The following NPSR1 variants were observed in gnomAD, a reference collection of about 807,000 sequenced individuals.
NPSR1 encodes neuropeptide S receptor 1.
Under a neutral mutation model 46.9 loss-of-function variants are expected in NPSR1, and 48 were observed. The ratio of observed to expected loss-of-function variants is 1.02; its 90% CI spans 0.81 to 1.30. The LOEUF (loss-of-function observed/expected upper bound fraction) is 1.30. Ranked by LOEUF, NPSR1 falls within the 50% of genes most tolerant of loss-of-function variation. The probability of loss-of-function intolerance (pLI) is 0.00; values close to 1 mark genes in which losing one functional copy is unlikely to be tolerated. For missense variants in NPSR1, 450 were observed against 449.5 expected, an observed-to-expected ratio of 1.00 and a Z score of -0.01; for synonymous variants, 176 against 168.1, an observed-to-expected ratio of 1.05 and a Z score of -0.36.
Position 34,834,431 on chromosome 7 carries a change from C to A in NPSR1, c.728C>A (p.Thr243Asn), listed in dbSNP as rs1409654873. The A allele has an allele frequency of 7.4e-6, 12 of 1,613,276 alleles. No individual in the cohort carries two copies. Among genetic ancestry groups the A allele is most frequent in the Non-Finnish European group, 1.0e-5 (12 of 1,179,244 alleles). Reference protein sequence around the residue: ...VIRTIWIKSKTYETVISNCSD... With the variant: ...VIRTIWIKSKNYETVISNCSD... ...CGAACTATTTGGATTAAAAGCAAAA[C>A]CTACGAAACAGTGATTTCCAACTGC... The change falls in exon 6 of 9, where the codon ACC (threonine) becomes AAC (asparagine). Residue 243 changes from threonine (T) to asparagine (N), a missense_variant. By Grantham distance (65) the Thr-to-Asn change is moderately conservative. Transcript: ENST00000360581.
At chr7:34,736,783 T>C (rs969456166) in intron 2 of NPSR1, among the ~76,000 whole-genome samples, 3 of 152,110 alleles carry the variant, frequency 2.0e-5, no homozygotes, top group Non-Finnish European at 4.4e-5. Context: ...GTATTTTTTA[T>C]TTTTGTAGAC....
intron 2 of NPSR1, among the ~76,000 whole-genome samples, chr7:34,748,326 G>A (rs951314192): frequency 3.9e-5 from 6 of 152,200 alleles, no homozygotes; most frequent in Non-Finnish European, 5.9e-5. Context: ...TGGCGGCAAG[G>A]GAGGACTATT....
intron 2 of NPSR1, among the ~76,000 whole-genome samples, chr7:34,689,554 G>A (rs1485818117): frequency 6.6e-5 from 8 of 122,040 alleles, no homozygotes; most frequent in East Asian, 5.6e-4. Context: ...GCAGTGAGCC[G>A]AGATTGTGCC....
In NPSR1 at chr7:34,773,080, G is replaced by A. The variant is rs138498243; in HGVS notation, c.281-5382G>A. 6.0e-4 allele frequency among the ~76,000 whole-genome samples: 91 copies of A among 152,264 alleles called. 1 individual carries two copies. In the East Asian group the frequency reaches 0.01, roughly 17 times the overall value. ...GTGCAGATGAAGAAGTGCAAAGCCCGTTAGTGGGTCAATGGGAGTGATGTT... is the reference window on the plus strand; with the variant it reads ...GTGCAGATGAAGAAGTGCAAAGCCCATTAGTGGGTCAATGGGAGTGATGTT... On this transcript the variant is annotated intron_variant, in intron 2 of 8. Coordinates refer to ENST00000360581, the MANE Select transcript of NPSR1 (RefSeq NM_207172.2).
chr7:34,758,612 AG>A (rs1484394150), intron 2 of NPSR1, among the ~76,000 whole-genome samples: 1 of 152,202 alleles, frequency 6.6e-6, no homozygotes, highest in African/African-American at 2.4e-5. Context: ...ACATAATTTC[AG>A]GTTTACAGAA....
chr7:34,748,775 C>T (rs919245802), intron 2 of NPSR1, among the ~76,000 whole-genome samples: 2 of 151,894 alleles, frequency 1.3e-5, no homozygotes, highest in Non-Finnish European at 2.9e-5. Context: ...AAATATCCTG[C>T]CTGGGAGTGG....
intron 8 of NPSR1, among the ~76,000 whole-genome samples, chr7:34,873,548 C>T (rs1791505269): frequency 6.6e-6 from 1 of 151,618 alleles, no homozygotes; most frequent in Non-Finnish European, 1.5e-5. Context: ...AAGGAGGAGC[C>T]AATGTGTCAC....
At chr7:34,845,043 C>T in intron 7 of NPSR1, 61 bp downstream of exon 7, 1 of 1,090,200 alleles carries the variant, frequency 9.2e-7, no homozygotes, top group Non-Finnish European at 1.4e-6. Context: ...CAAGTTTGCT[C>T]CTGGGACCTG....
In NPSR1 at chr7:34,754,188, C is replaced by T. The variant is rs114409920; in HGVS notation, c.281-24274C>T. ...TTTGTAGTAGGTGGTCAACTGGACA[C>T]AGGACTAGGTTTATCAAAACTTGCT... On this transcript the variant is annotated intron_variant, in intron 2 of 8. Transcript: ENST00000360581. 3.7e-3 allele frequency among the ~76,000 whole-genome samples: 561 copies of T among 152,218 alleles called. 4 individuals are homozygous for T. The highest frequency in any genetic ancestry group is 0.013 in the African/African-American group (524 of 41,534).
At chr7:34,702,897 A>G (rs1171214045) in intron 2 of NPSR1, among the ~76,000 whole-genome samples, 2 of 152,176 alleles carry the variant, frequency 1.3e-5, no homozygotes, top group African/African-American at 4.8e-5. Context: ...CAAATGCTCT[A>G]GAACCCGCTA....
chr7:34,663,041 T>TTCTCTCTCTCTCTCTCTCTC (rs376420280), intron 1 of NPSR1, among the ~76,000 whole-genome samples: 1,906 of 108,190 alleles, frequency 0.018, 104 homozygotes, highest in African/African-American at 0.058. Flanking sequence ...TGTAGTGCAT[T>TTCTCTCTCTCTCTCTCTCTC]TCTCTCTCTC....
At chr7:34,742,415 C>T (rs324384) in intron 2 of NPSR1, among the ~76,000 whole-genome samples, 83,217 of 151,958 alleles carry the variant, frequency 0.55, 23,146 homozygotes, top group African/African-American at 0.62. Context: ...TGGGAACATG[C>T]GGTATTTCGT....
At chr7:34,715,722 C>T (rs1264965181) in intron 2 of NPSR1, among the ~76,000 whole-genome samples, 4 of 152,226 alleles carry the variant, frequency 2.6e-5, no homozygotes, top group South Asian at 4.1e-4. Context: ...TTGTGTGCTA[C>T]TGCAGATACC....
chr7:34,678,442 GA>G (rs1037037106), intron 1 of NPSR1, among the ~76,000 whole-genome samples: 6 of 151,998 alleles, frequency 3.9e-5, no homozygotes, highest in African/African-American at 1.4e-4. Context: ...TTCTCTTTAT[GA>G]AACAGATCCC....
chr7:34,749,080 G>A (rs111507382), intron 2 of NPSR1, among the ~76,000 whole-genome samples: 95 of 151,810 alleles, frequency 6.3e-4, no homozygotes, highest in African/African-American at 2.2e-3. Flanking sequence ...TGTGACAGGC[G>A]CCATGCCCCC....
chr7:34,867,149 A>G (rs1201644160), intron 8 of NPSR1, among the ~76,000 whole-genome samples: 2 of 151,740 alleles, frequency 1.3e-5, no homozygotes, highest in African/African-American at 2.4e-5. Context: ...CATCAAAGCC[A>G]ATGAATGTCT....
chr7:34,673,751 A>T (rs577760510), intron 1 of NPSR1, among the ~76,000 whole-genome samples: 15 of 152,268 alleles, frequency 9.9e-5, no homozygotes, highest in African/African-American at 2.9e-4. Context: ...AGGTATTAAA[A>T]CTTGAGCTAA....
At chr7:34,858,788 C>T (rs1791115839) in intron 8 of NPSR1, among the ~76,000 whole-genome samples, 1 of 151,778 alleles carries the variant, frequency 6.6e-6, no homozygotes, top group Non-Finnish European at 1.5e-5. Flanking sequence ...AAAGACCTGT[C>T]CCCATGATTC....
intron 2 of NPSR1, among the ~76,000 whole-genome samples, chr7:34,737,917 C>G (rs918065273): frequency 6.6e-6 from 1 of 152,108 alleles, no homozygotes; most frequent in Non-Finnish European, 1.5e-5. Context: ...TTCCTTAGTC[C>G]AACACAGACT....
Sources: allele counts gnomAD v4.1 joint callset (sites outside exome capture counted in the v4.1 genomes callset), GRCh38; gene constraint gnomAD v4.1.1; transcripts MANE v1.5; gene names NCBI Gene and HGNC (gene_info 2026-07-23, HGNC 2026-07-21).